PARG: variants seen among roughly 807,000 people sequenced by gnomAD.
PARG encodes mitochondrial poly(ADP-ribose) glycohydrolase.
PARG carries 35 observed loss-of-function variants against 113.0 expected under a neutral mutation model. The ratio of observed to expected loss-of-function variants is 0.31; its 90% CI spans 0.24 to 0.41. The LOEUF is 0.41. Ranked by LOEUF, PARG falls within the 10% of genes least tolerant of loss-of-function variation. The pLI is 1.00. For synonymous variants in PARG, 330 were observed against 409.9 expected, an observed-to-expected ratio of 0.81 and a Z score of 2.36; for missense variants, 797 against 1,169.4, an observed-to-expected ratio of 0.68 and a Z score of 4.64.
rs540095272 is a variant in PARG at position 49,908,949 on chromosome 10, T to TTA, written c.1737+6966_1737+6967dup. 1.5e-4 allele frequency among the ~76,000 whole-genome samples: 23 copies of TTA among 152,274 alleles called. No individual in the cohort carries two copies. The East Asian group carries it at 4.2e-3, about 28-fold the overall frequency. On this transcript the variant is annotated intron_variant, in intron 7 of 17. Transcript: ENST00000616448. ...AAAGCACTAACCCTCCATGAAATGT[T>TTA]TATAGACAGTTTATAGGATAAAGGG...
chr10:49,834,927 C>T (rs1036057632), intron 15 of PARG, among the ~76,000 whole-genome samples: 15 of 152,174 alleles, frequency 9.9e-5, no homozygotes, highest in Admixed American at 5.9e-4. Flanking sequence ...TGATTAAATA[C>T]AAAATTATTT....
intron 7 of PARG, chr10:49,909,651 G>A (rs1209341100): frequency 2.4e-5 from 4 of 169,970 alleles, no homozygotes; most frequent in African/African-American, 7.2e-5. Context: ...TTTTTGCTGA[G>A]CATAAGTGGG....
chr10:49,831,781 G>C (rs1218194917), intron 16 of PARG, among the ~76,000 whole-genome samples: 6 of 152,160 alleles, frequency 3.9e-5, no homozygotes, highest in Non-Finnish European at 8.8e-5. Flanking sequence ...TAAAACTGCA[G>C]TGGTAAGGAC....
At chr10:49,883,194 T>C (rs1847297780) in intron 8 of PARG, among the ~76,000 whole-genome samples, 1 of 152,226 alleles carries the variant, frequency 6.6e-6, no homozygotes, top group Non-Finnish European at 1.5e-5. Context: ...TGGACATGTA[T>C]GCGTTGTTTT....
At chr10:49,897,188 A>G (rs1848130299) in intron 7 of PARG, among the ~76,000 whole-genome samples, 1 of 152,222 alleles carries the variant, frequency 6.6e-6, no homozygotes, top group Non-Finnish European at 1.5e-5. Context: ...TACTATGATC[A>G]AATCACAACC....
In PARG at chr10:49,832,915, G is replaced by A; in HGVS notation, c.2542-7C>T. 1.3e-6 allele frequency: 2 copies of A among 1,490,212 alleles called. No homozygotes were observed. The highest frequency in any genetic ancestry group is 9.1e-7 in the Non-Finnish European group (1 of 1,092,978). 92.3% of individuals were successfully genotyped at this position (1,490,212 alleles called of 1,614,324 possible). A position where few individuals can be genotyped will look rare whatever the true frequency, so the allele number is the denominator to read the frequency against. On this transcript the variant is annotated splice_region_variant and splice_polypyrimidine_tract_variant and intron_variant, in intron 15 of 17. Transcript: ENST00000616448. ...GGAGAAATCCACAGTAAGCCTGCAGGATAAAAGAATTATCAAAGCCTGTGA... is the reference window on the plus strand; with the variant it reads ...GGAGAAATCCACAGTAAGCCTGCAGAATAAAAGAATTATCAAAGCCTGTGA...
intron 9 of PARG, 48 bp from the exon 10 acceptor site, chr10:49,869,603 T>G (rs782435117): frequency 4.0e-6 from 3 of 745,792 alleles, no homozygotes; most frequent in Non-Finnish European, 7.2e-6. Flanking sequence ...TAAAATGCCT[T>G]AATGATTCAC....
intron 9 of PARG, among the ~76,000 whole-genome samples, chr10:49,876,757 T>A (rs1445849764): frequency 4.6e-5 from 7 of 150,966 alleles, no homozygotes; most frequent in African/African-American, 1.7e-4. Flanking sequence ...CTCCTTTCTC[T>A]GTAACCTTAT....
At chr10:49,929,497 TAA>T (rs1289336462) in intron 4 of PARG, among the ~76,000 whole-genome samples, 2 of 152,272 alleles carry the variant, frequency 1.3e-5, no homozygotes, top group South Asian at 2.1e-4. Context: ...AAATTTGACA[TAA>T]AGTCATTTAA....
In PARG at chr10:49,933,374, A is replaced by G; in HGVS notation, c.1074T>C (p.Ser358=). 1.2e-6 allele frequency: 2 copies of G among 1,613,282 alleles called. No individual in the cohort carries two copies. Among genetic ancestry groups the G allele is most frequent in the Non-Finnish European group, 8.5e-7 (1 of 1,179,274 alleles). The change falls in exon 3 of 18, where the codon TCT becomes TCC. Residue 358 remains serine, a synonymous_variant. Transcript: ENST00000616448. The part of the protein sequence containing the change: ...DADIEFRKRY[S]TKGGEVRLHF... Reference sequence around the variant, plus strand: ...GTAATCTAACTTCACCGCCCTTAGTAGAGTACCGTTTCCTAAATTCAATGT... The same window carrying G: ...GTAATCTAACTTCACCGCCCTTAGTGGAGTACCGTTTCCTAAATTCAATGT...
intron 7 of PARG, among the ~76,000 whole-genome samples, chr10:49,898,199 CT>C (rs1364116734): frequency 2.0e-5 from 3 of 152,240 alleles, no homozygotes; most frequent in African/African-American, 7.2e-5. Context: ...TCTACTATAA[CT>C]TTAACTTACA....
At chr10:49,878,797 A>G (rs1165974707) in intron 9 of PARG, among the ~76,000 whole-genome samples, 1 of 151,778 alleles carries the variant, frequency 6.6e-6, no homozygotes, top group Non-Finnish European at 1.5e-5. Flanking sequence ...GAAGGGCATT[A>G]CACACAGCCT....
chr10:49,912,592 G>A (rs1344464803), intron 7 of PARG, among the ~76,000 whole-genome samples: 1 of 152,220 alleles, frequency 6.6e-6, no homozygotes. Flanking sequence ...GAACCCAGGA[G>A]GTGGAGGTTG....
chr10:49,892,093 T>C (rs1472396101), intron 7 of PARG, among the ~76,000 whole-genome samples: 1 of 152,120 alleles, frequency 6.6e-6, no homozygotes, highest in Non-Finnish European at 1.5e-5. Flanking sequence ...AATAGTAACA[T>C]AACCAATATT....
At chr10:49,897,711 C>A (rs1412377790) in intron 7 of PARG, among the ~76,000 whole-genome samples, 2 of 152,210 alleles carry the variant, frequency 1.3e-5, no homozygotes, top group Admixed American at 1.3e-4. Flanking sequence ...TGTCCACATT[C>A]AAAAACTTAG....
intron 7 of PARG, among the ~76,000 whole-genome samples, chr10:49,901,307 T>G (rs1163472129): frequency 4.6e-4 from 70 of 151,714 alleles, no homozygotes; most frequent in African/African-American, 1.6e-3. Flanking sequence ...AGCAATGGGG[T>G]CTCACCATCT....
At chr10:49,941,078 G>C (rs1215255688) in intron 1 of PARG, among the ~76,000 whole-genome samples, 149 of 152,304 alleles carry the variant, frequency 9.8e-4, no homozygotes, top group African/African-American at 3.2e-3. Context: ...GTTCAACACT[G>C]TATACCAGGG....
chr10:49,918,331 C>A (rs1554848262), intron 6 of PARG, among the ~76,000 whole-genome samples: 1 of 152,194 alleles, frequency 6.6e-6, no homozygotes, highest in Non-Finnish European at 1.5e-5. Flanking sequence ...CATTCTAATT[C>A]TTCACTGTAA....
At chr10:49,841,727 T>C (rs1554832328) in intron 15 of PARG, among the ~76,000 whole-genome samples, 1 of 152,180 alleles carries the variant, frequency 6.6e-6, no homozygotes, top group Non-Finnish European at 1.5e-5. Context: ...TGTGTGGGGT[T>C]TAAAACTAAG....
Sources: allele counts gnomAD v4.1 joint callset (sites outside exome capture counted in the v4.1 genomes callset), GRCh38; gene constraint gnomAD v4.1.1; transcripts MANE v1.5; gene names NCBI Gene and HGNC (gene_info 2026-07-23, HGNC 2026-07-21).